The following MAP7 variants were observed in gnomAD, a reference collection of about 807,000 sequenced individuals.
The protein encoded by MAP7 is ensconsin.
Under a neutral mutation model 94.8 loss-of-function variants are expected in MAP7, and 52 were observed. The ratio of observed to expected loss-of-function variants is 0.55; its 90% CI spans 0.44 to 0.69. The LOEUF is 0.69. MAP7 is among the 30% of genes least tolerant of loss of function. The pLI, the probability that MAP7 is intolerant of heterozygous loss-of-function variation, is 0.00. For missense variants in MAP7, 940 were observed against 964.6 expected (o/e 0.97, Z 0.34); for synonymous variants, 350 against 357.0 (o/e 0.98, Z 0.22).
chr6:136,414,200 CCGAGAT>C (rs1414660398), intron 2 of MAP7, among the ~76,000 whole-genome samples: 1 of 129,768 alleles, frequency 7.7e-6, no homozygotes, highest in Non-Finnish European at 1.6e-5. Flanking sequence ...TTGCAGTGAG[CCGAGAT>C]CGCGCCACTG....
intron 14 of MAP7, 45 bp downstream of exon 14, chr6:136,359,936 A>G: frequency 6.2e-7 from 1 of 1,609,546 alleles, no homozygotes; most frequent in African/African-American, 1.3e-5. Context: ...AAAATGAAAA[A>G]GATAAAAGCA....
At chr6:136,390,326 T>C (rs1051702653) in intron 3 of MAP7, among the ~76,000 whole-genome samples, 2 of 152,086 alleles carry the variant, frequency 1.3e-5, no homozygotes, top group African/African-American at 4.8e-5. Flanking sequence ...TTGAGGACAC[T>C]ACATGGCATA....
At chr6:136,519,703 C>T (rs186926147) in intron 1 of MAP7, among the ~76,000 whole-genome samples, 4 of 152,084 alleles carry the variant, frequency 2.6e-5, no homozygotes, top group Admixed American at 6.5e-5. Flanking sequence ...AAAGTGGGGG[C>T]GGGGGAGTAC....
At chr6:136,381,875 CTT>C (rs1491091853) in intron 6 of MAP7, among the ~76,000 whole-genome samples, 11 of 137,162 alleles carry the variant, frequency 8.0e-5, no homozygotes, top group African/African-American at 3.1e-4. Context: ...CACTTCTAAC[CTT>C]ACACACACAC....
intron 8 of MAP7, 99 bp from the exon 9 acceptor site, chr6:136,366,538 A>C (rs978359629): frequency 1.2e-6 from 1 of 854,720 alleles, no homozygotes; most frequent in African/African-American, 1.7e-5. Flanking sequence ...AATGACTTTT[A>C]AGAAATTTTC....
intron 5 of MAP7, among the ~76,000 whole-genome samples, chr6:136,386,141 AG>A (rs1196242379): frequency 6.6e-6 from 1 of 152,182 alleles, no homozygotes; most frequent in Non-Finnish European, 1.5e-5. Context: ...ATTTTAATGT[AG>A]ACAGTTTCTA....
chr6:136,427,836 G>T (rs191228553), intron 1 of MAP7, among the ~76,000 whole-genome samples: 2 of 152,272 alleles, frequency 1.3e-5, no homozygotes, highest in African/African-American at 4.8e-5. Flanking sequence ...TTTACAATTT[G>T]GAGTAGCTCA....
intron 3 of MAP7, among the ~76,000 whole-genome samples, chr6:136,399,049 C>G (rs1412815545): frequency 6.6e-6 from 1 of 152,202 alleles, no homozygotes; most frequent in Non-Finnish European, 1.5e-5. Flanking sequence ...AATATTCAGA[C>G]TTGTTGTCTC....
intron 2 of MAP7, among the ~76,000 whole-genome samples, chr6:136,413,555 G>A (rs535724052): frequency 5.9e-5 from 9 of 151,750 alleles, no homozygotes; most frequent in East Asian, 5.8e-4. Flanking sequence ...AGAAAATACA[G>A]TAGAGACAAA....
At chr6:136,449,260 A>T (rs1226119271) in intron 1 of MAP7, among the ~76,000 whole-genome samples, 1 of 152,098 alleles carries the variant, frequency 6.6e-6, no homozygotes, top group Admixed American at 6.5e-5. Flanking sequence ...GCACCACTAC[A>T]CTCCAGCCTG....
intron 7 of MAP7, 35 bp downstream of exon 7, chr6:136,377,720 A>G: frequency 6.7e-7 from 1 of 1,499,600 alleles, no homozygotes; most frequent in East Asian, 2.3e-5. Flanking sequence ...GGAGGACTTG[A>G]CCTCATGGGG....
chr6:136,461,928 T>C (rs1285496443), intron 1 of MAP7, among the ~76,000 whole-genome samples: 13 of 152,200 alleles, frequency 8.5e-5, no homozygotes, highest in Non-Finnish European at 1.5e-5. Flanking sequence ...TATTCTCACA[T>C]ATTTTAAAAC....
At chr6:136,417,420 A>G (rs1789857954) in intron 2 of MAP7, among the ~76,000 whole-genome samples, 2 of 152,316 alleles carry the variant, frequency 1.3e-5, no homozygotes, top group Middle Eastern at 3.4e-3. Context: ...TCATGCTACT[A>G]CAGAGCTCTC....
chr6:136,348,791 G>T (rs1430996194), intron 16 of MAP7, among the ~76,000 whole-genome samples: 6 of 152,098 alleles, frequency 3.9e-5, no homozygotes, highest in Non-Finnish European at 8.8e-5. Context: ...GAGCAATGAT[G>T]AACTCAAGAT....
chr6:136,478,687 A>T (rs1811724582), intron 1 of MAP7, among the ~76,000 whole-genome samples: 1 of 152,120 alleles, frequency 6.6e-6, no homozygotes, highest in Non-Finnish European at 1.5e-5. Flanking sequence ...TACCAATAAT[A>T]TACCTAGAAG....
At chr6:136,395,752 T>C (rs1488390058) in intron 3 of MAP7, among the ~76,000 whole-genome samples, 1 of 152,144 alleles carries the variant, frequency 6.6e-6, no homozygotes, top group African/African-American at 2.4e-5. Context: ...GATAGGGGTC[T>C]AGTATCATTT....
chr6:136,543,393 A>G (rs985369141), intron 1 of MAP7, among the ~76,000 whole-genome samples: 5 of 152,228 alleles, frequency 3.3e-5, no homozygotes, highest in Non-Finnish European at 2.9e-5. Context: ...TCACGCCTGT[A>G]ATCCCAGCAC....
intron 1 of MAP7, among the ~76,000 whole-genome samples, chr6:136,524,470 C>G (rs531578710): frequency 6.6e-6 from 1 of 152,202 alleles, no homozygotes; most frequent in African/African-American, 2.4e-5. Context: ...CAGAGCAACA[C>G]ACTCTGGTTC....
chr6:136,514,625 CT>C (rs576289913), intron 1 of MAP7, among the ~76,000 whole-genome samples: 233 of 147,450 alleles, frequency 1.6e-3, no homozygotes, highest in African/African-American at 5.6e-3. Flanking sequence ...ACATTAACCT[CT>C]TTTGTCCATC....
Sources: allele counts gnomAD v4.1 joint callset (sites outside exome capture counted in the v4.1 genomes callset), GRCh38; gene constraint gnomAD v4.1.1; transcripts MANE v1.5; gene names NCBI Gene and HGNC (gene_info 2026-07-23, HGNC 2026-07-21).